The following ZNF600 variants were observed in gnomAD, a reference collection of about 807,000 sequenced individuals.
The protein encoded by ZNF600 is zinc finger protein KR-ZNF1.
Under a neutral mutation model 7.3 loss-of-function variants are expected in ZNF600, and 4 were observed. That is an observed-to-expected ratio of 0.55 (90% CI 0.27 to 1.25). The LOEUF (loss-of-function observed/expected upper bound fraction) is 1.25. ZNF600 is among the 50% of genes most tolerant of loss of function. The probability of loss-of-function intolerance (pLI) is 0.12; values close to 1 mark genes in which losing one functional copy is unlikely to be tolerated. For synonymous variants in ZNF600, 290 were observed against 308.9 expected (o/e 0.94, Z 0.64); for missense variants, 911 against 922.1 (o/e 0.99, Z 0.16).
intron 1 of ZNF600, 135 bp downstream of exon 1, chr19:52,786,460 T>G (rs2062764454): frequency 6.6e-6 from 1 of 152,288 alleles, no homozygotes; most frequent in Non-Finnish European, 1.5e-5. Context: ...GGGGCGGGAA[T>G]AGTCAGAAAA....
chr19:52,829,581 C>G, the ZNF600 span, among the ~76,000 whole-genome samples: 31 of 151,918 alleles, frequency 2.0e-4, 1 homozygote, highest in African/African-American at 7.5e-4. Context: ...ACCATGTTGG[C>G]CAGGCTGGTC....
At chr19:52,774,356 GA>G (rs781269017) in intron 3 of ZNF600, among the ~76,000 whole-genome samples, 8 of 151,694 alleles carry the variant, frequency 5.3e-5, no homozygotes, top group East Asian at 3.9e-4. Flanking sequence ...TTGAACCTGG[GA>G]GGCAGAGGTT....
intron 3 of ZNF600, among the ~76,000 whole-genome samples, chr19:52,773,998 G>A (rs187110854): frequency 8.6e-5 from 13 of 152,022 alleles, no homozygotes; most frequent in Admixed American, 5.9e-4. Flanking sequence ...GATTACAGGC[G>A]TGTGCCACTA....
At chr19:52,765,449 T>C in exon 4 of ZNF600, 1 of 1,296,230 alleles carries the variant, frequency 7.7e-7, no homozygotes, top group South Asian at 1.2e-5. Flanking sequence ...TATGAGTGTG[T>C]CAATGAACTG....
the ZNF600 span, among the ~76,000 whole-genome samples, chr19:52,793,794 A>G: frequency 3.9e-5 from 3 of 76,748 alleles, no homozygotes; most frequent in Non-Finnish European, 8.2e-5. Context: ...ACACACACAC[A>G]CACACACACA....
the ZNF600 span, chr19:52,801,605 A>G: frequency 6.2e-7 from 1 of 1,614,146 alleles, no homozygotes; most frequent in Non-Finnish European, 8.5e-7. Context: ...CTCCAATGTG[A>G]TGACTTGCTT....
upstream of ZNF600, among the ~76,000 whole-genome samples, chr19:52,789,953 C>T (rs1347894904): frequency 3.3e-5 from 5 of 151,876 alleles, no homozygotes; most frequent in South Asian, 2.1e-4. Flanking sequence ...GGGTTTGTTC[C>T]CTGGTGGGTA....
At chr19:52,793,039 C>T in the ZNF600 span, among the ~76,000 whole-genome samples, 1,680 of 152,226 alleles carry the variant, frequency 0.011, 43 homozygotes, top group African/African-American at 0.038. Context: ...CCTGGCCCGG[C>T]CCAATCCTCT....
At chr19:52,821,774 G>C in the ZNF600 span, 1 of 152,174 alleles carries the variant, frequency 6.6e-6, no homozygotes, top group Non-Finnish European at 1.5e-5. Flanking sequence ...GGGCCGGAGC[G>C]GGACCTGTGA....
the ZNF600 span, among the ~76,000 whole-genome samples, chr19:52,819,246 G>A: frequency 7.2e-6 from 1 of 138,004 alleles, no homozygotes; most frequent in Non-Finnish European, 1.5e-5. Flanking sequence ...TTGGGCTTTT[G>A]TCCTGGGGAA....
the ZNF600 span, among the ~76,000 whole-genome samples, chr19:52,824,432 T>A: frequency 6.6e-6 from 1 of 152,052 alleles, no homozygotes; most frequent in Non-Finnish European, 1.5e-5. Context: ...GTCAGGACTG[T>A]GAAACCAGCC....
At chr19:52,813,909 A>T in the ZNF600 span, among the ~76,000 whole-genome samples, 1 of 146,106 alleles carries the variant, frequency 6.8e-6, no homozygotes, top group African/African-American at 2.7e-5. Context: ...AAGTGGGAAC[A>T]GGGAGGTGGG....
At chr19:52,801,952 C>T in the ZNF600 span, among the ~76,000 whole-genome samples, 1 of 152,074 alleles carries the variant, frequency 6.6e-6, no homozygotes, top group East Asian at 1.9e-4. Context: ...CATGTGTGAG[C>T]CTAAAGTAAG....
chr19:52,814,564 A>T, the ZNF600 span: 2 of 145,782 alleles, frequency 1.4e-5, no homozygotes, highest in Non-Finnish European at 3.0e-5. Context: ...ACTGCATTCC[A>T]GCCTGGACAA....
exon 4 of ZNF600, chr19:52,766,790 T>C: frequency 1.2e-6 from 2 of 1,614,118 alleles, no homozygotes; most frequent in East Asian, 2.2e-5. Flanking sequence ...CAGTATGAAT[T>C]CTCTTATGTG....
At chr19:52,810,783 A>G in the ZNF600 span, 1 of 495,114 alleles carries the variant, frequency 2.0e-6, no homozygotes. Flanking sequence ...AAAAACCCAA[A>G]AAAAACAGAA....
chr19:52,776,239 G>A (rs112648735), intron 2 of ZNF600, among the ~76,000 whole-genome samples: 10,354 of 151,224 alleles, frequency 0.068, 1,090 homozygotes, highest in African/African-American at 0.23. Flanking sequence ...CAGATGTCTG[G>A]GATTCACATT....
chr19:52,801,292 T>G, the ZNF600 span: 1 of 1,614,164 alleles, frequency 6.2e-7, no homozygotes, highest in South Asian at 1.1e-5. Context: ...ATATGGGTTT[T>G]GGGCCTACAA....
At chr19:52,769,200 T>TCTG (rs537030210) in intron 3 of ZNF600, among the ~76,000 whole-genome samples, 51 of 151,866 alleles carry the variant, frequency 3.4e-4, no homozygotes, top group Admixed American at 1.2e-3. Context: ...TAGAGAACAC[T>TCTG]CTCCTCCACC....
Sources: allele counts gnomAD v4.1 joint callset (sites outside exome capture counted in the v4.1 genomes callset), GRCh38; gene constraint gnomAD v4.1.1; transcripts MANE v1.5; gene names NCBI Gene and HGNC (gene_info 2026-07-23, HGNC 2026-07-21).